Variants in FER observed in about 807,000 individuals in gnomAD.
The protein encoded by FER is tyrosine-protein kinase Fer.
In FER, 63 loss-of-function variants were observed where a neutral mutation model predicts 111.0. The ratio of observed to expected loss-of-function variants is 0.57; its 90% CI spans 0.46 to 0.70. The LOEUF (loss-of-function observed/expected upper bound fraction) is 0.70, where lower values mean the gene tolerates loss of function less well. Ranked by LOEUF, FER falls within the 30% of genes least tolerant of loss-of-function variation. The pLI is 0.00. For synonymous variants in FER, 327 were observed against 313.9 expected, an observed-to-expected ratio of 1.04 and a Z score of -0.44; for missense variants, 914 against 954.0, an observed-to-expected ratio of 0.96 and a Z score of 0.55.
chr5:108,874,050 T>A (rs2150254201), intron 8 of FER, among the ~76,000 whole-genome samples: 1 of 152,340 alleles, frequency 6.6e-6, no homozygotes, highest in South Asian at 2.1e-4. Context: ...AATAACTTAC[T>A]AATTTATTCA....
intron 17 of FER, among the ~76,000 whole-genome samples, chr5:109,111,604 G>A (rs1336734016): frequency 6.6e-6 from 1 of 152,124 alleles, no homozygotes; most frequent in Non-Finnish European, 1.5e-5. Flanking sequence ...AATTTATGAA[G>A]AAGAGAGGTT....
At chr5:108,901,809 G>A (rs1393860687) in intron 10 of FER, among the ~76,000 whole-genome samples, 1 of 152,046 alleles carries the variant, frequency 6.6e-6, no homozygotes, top group Non-Finnish European at 1.5e-5. Flanking sequence ...AAATTAGTCG[G>A]GTGTGGTGGC....
At chr5:109,032,368 G>A (rs188890440) in intron 13 of FER, among the ~76,000 whole-genome samples, 1 of 152,268 alleles carries the variant, frequency 6.6e-6, no homozygotes, top group Admixed American at 6.5e-5. Context: ...TTTCCTCCCT[G>A]TGCCTCATTT....
intron 9 of FER, among the ~76,000 whole-genome samples, chr5:108,888,907 T>G (rs1747589065): frequency 6.6e-6 from 1 of 151,900 alleles, no homozygotes; most frequent in Non-Finnish European, 1.5e-5. Context: ...CTCATTATCC[T>G]TAAAAACCAC....
At chr5:108,847,134 G>A (rs975365777) in intron 5 of FER, among the ~76,000 whole-genome samples, 11 of 149,686 alleles carry the variant, frequency 7.3e-5, no homozygotes, top group Non-Finnish European at 1.2e-4. Flanking sequence ...CAAGCATTTG[G>A]TACTCTAAAG....
chr5:108,970,111 A>G (rs1025075187), intron 13 of FER, among the ~76,000 whole-genome samples: 2 of 148,546 alleles, frequency 1.3e-5, no homozygotes, highest in Non-Finnish European at 2.9e-5. Context: ...ACTTGAGAGT[A>G]TTGATATTTA....
intron 13 of FER, among the ~76,000 whole-genome samples, chr5:108,998,091 G>T (rs985354879): frequency 2.0e-5 from 3 of 150,140 alleles, no homozygotes; most frequent in African/African-American, 7.4e-5. Flanking sequence ...GGGACCTGCC[G>T]TACCAGACCA....
intron 11 of FER, among the ~76,000 whole-genome samples, chr5:108,947,503 G>A (rs2149630445): frequency 1.3e-5 from 2 of 151,992 alleles, no homozygotes; most frequent in East Asian, 1.9e-4. Context: ...GTGTTCTTTG[G>A]AGATGTGTTT....
chr5:108,898,498 C>T (rs2150329645), intron 10 of FER, among the ~76,000 whole-genome samples: 1 of 143,654 alleles, frequency 7.0e-6, no homozygotes, highest in Middle Eastern at 3.5e-3. Flanking sequence ...TTTCCTTCCT[C>T]TTTCTCTCTC....
At chr5:108,967,080 C>G (rs149241054) in intron 13 of FER, among the ~76,000 whole-genome samples, 60 of 152,286 alleles carry the variant, frequency 3.9e-4, no homozygotes, top group African/African-American at 1.3e-3. Flanking sequence ...CACACAGCCA[C>G]TTTACTTGCT....
chr5:108,931,608 A>G (rs955689990), intron 10 of FER, among the ~76,000 whole-genome samples: 7 of 152,096 alleles, frequency 4.6e-5, no homozygotes, highest in African/African-American at 1.7e-4. Context: ...AAAATAGTGC[A>G]TGCCTGAAGT....
chr5:108,809,573 T>C (rs1024488899), intron 3 of FER, among the ~76,000 whole-genome samples: 3 of 152,214 alleles, frequency 2.0e-5, no homozygotes, highest in East Asian at 3.8e-4. Flanking sequence ...TTGTTTTGTT[T>C]TGTTTTTTAG....
chr5:109,183,740 G>GGGCAA (rs1340081280), intron 18 of FER, among the ~76,000 whole-genome samples: 2 of 152,074 alleles, frequency 1.3e-5, no homozygotes, highest in Non-Finnish European at 2.9e-5. Context: ...ATGCCAGCCT[G>GGGCAA]GGCAACACAG....
rs1758205195 is a variant in FER at position 109,180,738 on chromosome 5, G to C, written c.2049-9G>C. ...TAATAGGCGTTTTCTGTGTCTTACT[G>C]TAACCTAGGGACCTTGCTGCAAGAA... is the stretch of plus-strand genomic sequence containing the variant. On this transcript the variant is annotated splice_polypyrimidine_tract_variant and intron_variant, in intron 17 of 19. Transcript: ENST00000281092. 6.3e-7 allele frequency: 1 copy of C among 1,599,686 alleles called. No individual in the cohort carries two copies. The highest frequency in any genetic ancestry group is 1.1e-5 in the South Asian group (1 of 87,802).
chr5:109,045,044 A>T (rs1272096573), intron 15 of FER, among the ~76,000 whole-genome samples: 1 of 152,020 alleles, frequency 6.6e-6, no homozygotes, highest in African/African-American at 2.4e-5. Flanking sequence ...TTCATCACAC[A>T]TACATATACA....
intron 13 of FER, among the ~76,000 whole-genome samples, chr5:108,980,282 G>T (rs181900820): frequency 1.5e-3 from 229 of 152,150 alleles, no homozygotes; most frequent in African/African-American, 5.2e-3. Context: ...ATACTGGTAG[G>T]CCAGGAGAGA....
chr5:108,934,853 C>CT (rs756897885), intron 10 of FER, among the ~76,000 whole-genome samples: 12 of 151,866 alleles, frequency 7.9e-5, no homozygotes, highest in Non-Finnish European at 1.6e-4. Context: ...CAAGGTGTCG[C>CT]TTTAGTTAGA....
At chr5:108,903,952 T>C (rs914551687) in intron 10 of FER, among the ~76,000 whole-genome samples, 2 of 152,246 alleles carry the variant, frequency 1.3e-5, no homozygotes, top group Non-Finnish European at 2.9e-5. Flanking sequence ...GTAAATGATA[T>C]GCCTGCTGTT....
intron 16 of FER, among the ~76,000 whole-genome samples, chr5:109,099,005 TAAGA>T (rs947100916): frequency 2.6e-5 from 4 of 151,582 alleles, no homozygotes; most frequent in Non-Finnish European, 5.9e-5. Context: ...CTTTTCTACT[TAAGA>T]AAGCATAGAT....
Sources: gnomAD v4.1 joint callset for allele counts (sites outside exome capture counted in the v4.1 genomes callset) on GRCh38, gnomAD v4.1.1 for gene constraint, MANE v1.5 for transcripts, NCBI Gene and HGNC (gene_info 2026-07-23, HGNC 2026-07-21) for gene names.